JAKMIP3: variants seen among roughly 807,000 people sequenced by gnomAD.
JAKMIP3 encodes janus kinase and microtubule-interacting protein 3.
A neutral mutation model predicts 118.5 loss-of-function variants in JAKMIP3; 58 were observed. The observed-to-expected ratio is 0.49, with a 90% confidence interval of 0.40 to 0.61. JAKMIP3 has a LOEUF of 0.61. Ranked by LOEUF, JAKMIP3 falls within the 20% of genes least tolerant of loss-of-function variation. The pLI is 0.00. For missense variants in JAKMIP3, 950 were observed against 1,109.0 expected, an observed-to-expected ratio of 0.86 and a Z score of 2.04; for synonymous variants, 486 against 451.2, an observed-to-expected ratio of 1.08 and a Z score of -0.98.
chr10:132,045,403 C>A (rs1268351682), intron 1 of JAKMIP3, among the ~76,000 whole-genome samples: 1 of 152,134 alleles, frequency 6.6e-6, no homozygotes, highest in Non-Finnish European at 1.5e-5. Context: ...CCGAGGCTGA[C>A]TTAGCACTGC....
At chr10:132,171,159 G>A (rs941051295) in intron 23 of JAKMIP3, among the ~76,000 whole-genome samples, 2 of 152,234 alleles carry the variant, frequency 1.3e-5, no homozygotes, top group Admixed American at 6.5e-5. Context: ...ACTTTGGGCC[G>A]AGGCCGCCAG....
At chr10:132,102,211 T>C (rs925974193) in intron 1 of JAKMIP3, among the ~76,000 whole-genome samples, 3 of 152,078 alleles carry the variant, frequency 2.0e-5, no homozygotes, top group African/African-American at 7.2e-5. Context: ...CTCAGGCCTT[T>C]CCCAAGCTGC....
intron 23 of JAKMIP3, among the ~76,000 whole-genome samples, chr10:132,174,158 G>A (rs995871249): frequency 2.0e-5 from 3 of 152,054 alleles, no homozygotes; most frequent in Non-Finnish European, 2.9e-5. Flanking sequence ...CATGCACAGT[G>A]CATGCATCCA....
At chr10:132,082,119 C>T (rs1464160640) in intron 1 of JAKMIP3, among the ~76,000 whole-genome samples, 3 of 150,580 alleles carry the variant, frequency 2.0e-5, no homozygotes, top group East Asian at 3.9e-4. Context: ...ATTGACCAAA[C>T]CCAACCTGGT....
chr10:132,159,398 A>C (rs2057583399), intron 19 of JAKMIP3, among the ~76,000 whole-genome samples: 1 of 73,068 alleles, frequency 1.4e-5, no homozygotes. Flanking sequence ...CCTGTGTCTT[A>C]CTGAGGGGGC....
chr10:132,139,049 A>AGAGT (rs71228743), intron 9 of JAKMIP3, among the ~76,000 whole-genome samples: 648 of 150,180 alleles, frequency 4.3e-3, no homozygotes, highest in African/African-American at 5.6e-3. Flanking sequence ...CTTTATGTTG[A>AGAGT]GTGTGTGTGT....
rs1309189208 is a variant in JAKMIP3 at position 132,097,902 on chromosome 10, C to CG, written c.-137-6770_-137-6769insG. Among the ~76,000 whole-genome samples, 181 of 64,564 alleles carry CG rather than the reference C, an allele frequency of 2.8e-3. 2 individuals are homozygous for CG. Among genetic ancestry groups the CG allele is most frequent in the African/African-American group, 7.7e-3 (155 of 20,110 alleles). The allele number at this position is 64,564 out of a possible 152,430, so 42.4% of individuals were successfully genotyped here. On this transcript the variant is annotated intron_variant, in intron 1 of 23. Transcript: ENST00000684848. The stretch of plus-strand genomic sequence containing the variant: ...TTTATTTTCTTCCCTTCCCCTTCCC[C>CG]TTCCCCTTCCCCTTCCCCTTTCCTT...
chr10:132,167,498 T>C (rs1170052108), intron 22 of JAKMIP3, among the ~76,000 whole-genome samples: 2 of 152,146 alleles, frequency 1.3e-5, no homozygotes, highest in Admixed American at 1.3e-4. Context: ...CCAGGAGGGC[T>C]TGGTCTCCCT....
chr10:132,167,893 C>T, intron 22 of JAKMIP3, 60 bp from the exon 23 acceptor site: 1 of 1,246,130 alleles, frequency 8.0e-7, no homozygotes, highest in Non-Finnish European at 1.1e-6. Flanking sequence ...CGGCCCTCGC[C>T]CCTCACTCCA....
intron 11 of JAKMIP3, 96 bp from the exon 12 acceptor site, chr10:132,145,011 A>G: frequency 3.1e-6 from 3 of 962,098 alleles, no homozygotes; most frequent in African/African-American, 1.6e-5. Context: ...AATGAACTGA[A>G]CCAAAAGACA....
chr10:132,048,426 T>C (rs554294206), intron 1 of JAKMIP3, among the ~76,000 whole-genome samples: 20 of 152,172 alleles, frequency 1.3e-4, no homozygotes, highest in Non-Finnish European at 2.2e-4. Flanking sequence ...CTTCTCCCCA[T>C]TTGTCTGTTT....
At chr10:132,145,752 G>A (rs1012746296) in intron 13 of JAKMIP3, among the ~76,000 whole-genome samples, 172 bp downstream of exon 13, 2 of 152,210 alleles carry the variant, frequency 1.3e-5, no homozygotes, top group African/African-American at 2.4e-5. Context: ...CCCTGGGGAG[G>A]AGGATGGCCT....
rs2051992693 is a variant in JAKMIP3, at chr10:132,137,255, C to T, written c.1250C>T (p.Thr417Ile). Reference protein sequence around the residue: ...QQNLIDELSKTLETAGYVKSV... With the variant: ...QQNLIDELSKILETAGYVKSV... ...TAACATGCTGTCTTCCTTTCCTAGA[C>T]CCTTGAGACCGCCGGCTACGTGAAG... Residue 417 changes from threonine (T) to isoleucine (I), a missense_variant and splice_region_variant, in exon 8 of 24, where the codon ACC becomes ATC. Thr to Ile is a moderately conservative substitution (Grantham distance 89, BLOSUM62 -1). Coordinates refer to ENST00000684848, the MANE Select transcript of JAKMIP3 (RefSeq NM_001323087.2). 1.9e-6 allele frequency: 3 copies of T among 1,613,932 alleles called. No individual in the cohort carries two copies. Among genetic ancestry groups the T allele is most frequent in the African/African-American group, 1.3e-5 (1 of 75,030 alleles).
chr10:132,144,289 C>T lies in JAKMIP3; in HGVS notation c.1603-818C>T, dbSNP rs546119353. 477 of 152,380 alleles carry T rather than the reference C, an allele frequency of 3.1e-3. 4 individuals carry two copies. The highest frequency in any genetic ancestry group is 5.4e-3 in the Admixed American group (82 of 15,294). 9.4% of individuals were successfully genotyped at this position (152,380 alleles called of 1,614,324 possible). On this transcript the variant is annotated intron_variant, in intron 11 of 23. Transcript: ENST00000684848. ...CAGGGCTTTTCCTGTAGATGTGGGG[C>T]GGGCTCTGGGAGTCAGTTAAGGAAC... is the stretch of plus-strand genomic sequence containing the variant.
intron 1 of JAKMIP3, among the ~76,000 whole-genome samples, chr10:132,051,173 A>G (rs371595585): frequency 0.024 from 1,286 of 54,018 alleles, no homozygotes; most frequent in Middle Eastern, 0.04. Flanking sequence ...AATTCCAGCC[A>G]TTCTGGTGGG....
chr10:132,122,325 G>C (rs1002303681), intron 3 of JAKMIP3, among the ~76,000 whole-genome samples: 1 of 152,204 alleles, frequency 6.6e-6, no homozygotes, highest in African/African-American at 2.4e-5. Flanking sequence ...TCGGGGCCCT[G>C]ACTGCCACCT....
chr10:132,138,286 G>A, intron 9 of JAKMIP3, 108 bp downstream of exon 9: 2 of 969,262 alleles, frequency 2.1e-6, no homozygotes, highest in Non-Finnish European at 3.1e-6. Context: ...GGGTGCGCCG[G>A]TGTACGTGGA....
chr10:132,102,783 G>A (rs1258548077), intron 1 of JAKMIP3, among the ~76,000 whole-genome samples: 1 of 152,146 alleles, frequency 6.6e-6, no homozygotes, highest in Non-Finnish European at 1.5e-5. Context: ...CACACAGCTT[G>A]GCCTTCATCA....
chr10:132,066,684 A>G (rs2038845710), intron 1 of JAKMIP3, among the ~76,000 whole-genome samples: 2 of 152,250 alleles, frequency 1.3e-5, no homozygotes, highest in Non-Finnish European at 2.9e-5. Flanking sequence ...TTCTTATGCA[A>G]GGAACTCCAG....
Sources: allele counts gnomAD v4.1 joint callset (sites outside exome capture counted in the v4.1 genomes callset), GRCh38; gene constraint gnomAD v4.1.1; transcripts MANE v1.5; gene names NCBI Gene and HGNC (gene_info 2026-07-23, HGNC 2026-07-21).